The following TBX18 variants were observed in gnomAD, a reference collection of about 807,000 sequenced individuals.
TBX18 encodes the protein T-box transcription factor TBX18.
In TBX18, 21 loss-of-function variants were observed where a neutral mutation model predicts 55.0. That is an observed-to-expected ratio of 0.38 (90% CI 0.27 to 0.55). The LOEUF (loss-of-function observed/expected upper bound fraction) is 0.55. Among genes scored for constraint, TBX18 ranks in the 20% least tolerant of loss-of-function variants. The pLI, the probability that TBX18 is intolerant of heterozygous loss-of-function variation, is 0.73. For synonymous variants in TBX18, 342 were observed against 326.1 expected (o/e 1.05, Z -0.53); for missense variants, 840 against 799.6 (o/e 1.05, Z -0.61).
chr6:84,744,337 G>A lies in TBX18; in HGVS notation c.940-12C>T. 4 of 1,585,032 alleles carry A rather than the reference G, an allele frequency of 2.5e-6. No homozygotes were observed. Among genetic ancestry groups the A allele is most frequent in the Admixed American group, 1.8e-5 (1 of 56,342 alleles). On this transcript the variant is annotated splice_polypyrimidine_tract_variant and intron_variant, in intron 5 of 7. Transcript: ENST00000369663. ...TTCAGGCGAGTAATCTGCAGAGTAGGAAAAAAAAATATCAAATCTTATATA... is the reference window on the plus strand; with the variant it reads ...TTCAGGCGAGTAATCTGCAGAGTAGAAAAAAAAAATATCAAATCTTATATA...
chr6:84,757,548 T>TA (rs912588247), intron 3 of TBX18, among the ~76,000 whole-genome samples: 8 of 152,088 alleles, frequency 5.3e-5, no homozygotes. Context: ...TTGATCCTTA[T>TA]AAAAAATTCT....
chr6:84,750,007 C>A (rs753962993), intron 4 of TBX18, among the ~76,000 whole-genome samples: 1 of 152,108 alleles, frequency 6.6e-6, no homozygotes, highest in East Asian at 1.9e-4. Context: ...TATAATCAGC[C>A]GAGCATGGTG....
rs770880160 is a variant in TBX18 at position 84,762,660 on chromosome 6, G to C, written c.381C>G (p.Ala127=). The C allele has an allele frequency of 2.9e-5, 47 of 1,610,718 alleles. No individual in the cohort carries two copies. Among genetic ancestry groups the C allele is most frequent in the Non-Finnish European group, 3.8e-5 (45 of 1,178,738 alleles). ...SPKGSPARSL[A]RPGTPLPSPQ... is the part of the protein sequence containing the mutation. ...GCGAGGGCAGAGGGGTCCCGGGCCGGGCCAGGGAGCGCGCCGGAGACCCCT... is the reference window on the plus strand; with the variant it reads ...GCGAGGGCAGAGGGGTCCCGGGCCGCGCCAGGGAGCGCGCCGGAGACCCCT... The change falls in exon 2 of 8, where the codon GCC becomes GCG. Residue 127 remains alanine, a synonymous_variant. Coordinates refer to ENST00000369663, the MANE Select transcript of TBX18 (RefSeq NM_001080508.3).
rs561896774 is a variant in TBX18, at chr6:84,754,084, C to T, written c.771+2614G>A. Among the ~76,000 whole-genome samples, 6 of 152,208 alleles carry T rather than the reference C, an allele frequency of 3.9e-5. No individual in the cohort carries two copies. The South Asian group carries it at 6.2e-4, about 16-fold the overall frequency. On this transcript the variant is annotated intron_variant, in intron 4 of 7. Coordinates refer to ENST00000369663, the MANE Select transcript of TBX18 (RefSeq NM_001080508.3). ...CTGGAAGTACAGGCAAACACCACCA[C>T]GCCTGGCTAATTTTTGTATTTTCAG...
intron 4 of TBX18, among the ~76,000 whole-genome samples, chr6:84,752,046 G>A (rs1351888346): frequency 6.6e-6 from 1 of 152,112 alleles, no homozygotes; most frequent in Non-Finnish European, 1.5e-5. Context: ...GTAATGTTCA[G>A]TGCTCTCTGA....
intron 4 of TBX18, among the ~76,000 whole-genome samples, chr6:84,753,435 A>AAG (rs1290378397): frequency 5.3e-5 from 2 of 37,872 alleles, no homozygotes. Context: ...AGGAACTGAG[A>AAG]AGAGAAAAAA....
At chr6:84,756,943 A>ATAGGCACACATTT in intron 3 of TBX18, 74 bp from the exon 4 acceptor site, 1 of 1,333,542 alleles carries the variant, frequency 7.5e-7, no homozygotes, top group Non-Finnish European at 1.0e-6. Context: ...ATCAGACAAA[A>ATAGGCACACATTT]TGTGTGCCTA....
At chr6:84,762,826 G>A (rs1767692566) in intron 1 of TBX18, 78 bp from the exon 2 acceptor site, 1 of 1,399,794 alleles carries the variant, frequency 7.1e-7, no homozygotes. Context: ...GGCCCACCTG[G>A]TGGCTGAGAA....
chr6:84,749,346 T>C (rs1396414708), intron 4 of TBX18, among the ~76,000 whole-genome samples: 2 of 152,230 alleles, frequency 1.3e-5, no homozygotes, highest in Admixed American at 6.5e-5. Context: ...GCCTTGTGTT[T>C]ATGATGTGGG....
chr6:84,744,269 C>A lies in TBX18; in HGVS notation c.996G>T (p.Gly332=), dbSNP rs907637269. ...NPFAKGFRDS[G]RNRMGLEALV... ...TCTTCACTAAGGCCCACCTGTTGCG[C>A]CCGGAGTCTCGGAAGCCTTTAGCAA... The change falls in exon 6 of 8, where the codon GGG becomes GGT. Residue 332 remains glycine (G), a synonymous_variant. Transcript: ENST00000369663. 1.2e-5 allele frequency: 19 copies of A among 1,612,504 alleles called. No homozygotes were observed. Among genetic ancestry groups the A allele is most frequent in the Non-Finnish European group, 1.5e-5 (18 of 1,179,134 alleles).
At chr6:84,763,795 C>T in intron 1 of TBX18, 95 bp downstream of exon 1, 1 of 1,426,270 alleles carries the variant, frequency 7.0e-7, no homozygotes. Flanking sequence ...GTGGCCTTGG[C>T]CATGTAGGGA....
In TBX18 at chr6:84,737,424, G is replaced by C; in HGVS notation, c.1100-15C>G. The C allele has an allele frequency of 6.6e-7, 1 of 1,504,860 alleles. No individual in the cohort carries two copies. Among genetic ancestry groups the C allele is most frequent in the Non-Finnish European group, 8.9e-7 (1 of 1,126,966 alleles). The allele number at this position is 1,504,860 out of a possible 1,614,324, so 93.2% of individuals were successfully genotyped here. A position where few individuals can be genotyped will look rare whatever the true frequency, so the allele number is the denominator to read the frequency against. On this transcript the variant is annotated splice_polypyrimidine_tract_variant and intron_variant, in intron 7 of 7. Coordinates refer to ENST00000369663, the MANE Select transcript of TBX18 (RefSeq NM_001080508.3). Reference sequence around the variant, plus strand: ...ACTTGCATTGCCTACAAAAGAAGTTGAAATGTAAAGAATGACTCCACAGTC... The same window carrying C: ...ACTTGCATTGCCTACAAAAGAAGTTCAAATGTAAAGAATGACTCCACAGTC...
intron 4 of TBX18, among the ~76,000 whole-genome samples, chr6:84,754,826 G>T (rs968346765): frequency 6.6e-6 from 1 of 152,122 alleles, no homozygotes; most frequent in East Asian, 1.9e-4. Flanking sequence ...GTTGAAGACT[G>T]TAGGAGAAAA....
At chr6:84,749,112 G>C (rs1183761923) in intron 4 of TBX18, among the ~76,000 whole-genome samples, 3 of 152,138 alleles carry the variant, frequency 2.0e-5, no homozygotes, top group Admixed American at 1.3e-4. Context: ...TTCTTTGTAT[G>C]TTCTATGCTT....
Position 84,748,072 on chromosome 6 carries a change from T to C in TBX18, c.787A>G (p.Met263Val), listed in dbSNP as rs1465314738. ...DDQGHIILHS[M>V]HKYQPRVHVI... ...TGCACTCGCGGTTGGTATTTGTGCA[T>C]AGAATGAAGAATAATCTATATCAAA... The change falls in exon 5 of 8, where the codon ATG becomes GTG. Residue 263 changes from methionine (M) to valine (V), a missense_variant. By Grantham distance (21) the Met-to-Val change is conservative (BLOSUM62 1). Coordinates refer to ENST00000369663, the MANE Select transcript of TBX18 (RefSeq NM_001080508.3). The C allele has an allele frequency of 1.9e-6, 3 of 1,610,346 alleles. No individual in the cohort carries two copies. The highest frequency in any genetic ancestry group is 2.2e-5 in the East Asian group (1 of 44,822).
rs1322051736 is a variant in TBX18 at position 84,734,280 on chromosome 6, C to A, written c.*2405G>T. The stretch of plus-strand genomic sequence containing the variant: ...CACCTTCAATGACATGGTCAACACA[C>A]CAAGAAATTACATTTAACACATGAA... On this transcript the variant is annotated 3_prime_UTR_variant, in exon 8 of 8. Coordinates refer to ENST00000369663, the MANE Select transcript of TBX18 (RefSeq NM_001080508.3). The A allele has an allele frequency of 4.6e-5, 7 of 152,136 alleles. No homozygotes were observed. The highest frequency in any genetic ancestry group is 4.6e-4 in the Admixed American group (7 of 15,282). 9.4% of individuals were successfully genotyped at this position (152,136 alleles called of 1,614,324 possible). A position where few individuals can be genotyped will look rare whatever the true frequency, so the allele number is the denominator to read the frequency against.
intron 1 of TBX18, chr6:84,763,119 A>C (rs1767702164): frequency 5.1e-6 from 2 of 392,854 alleles, no homozygotes; most frequent in South Asian, 4.5e-5. Flanking sequence ...TCCCGGGTCC[A>C]GAGTCCCCAG....
Position 84,733,702 on chromosome 6 carries a change from C to A in TBX18, c.*2983G>T, listed in dbSNP as rs147306874. 5.6e-4 allele frequency: 86 copies of A among 152,338 alleles called. No homozygotes were observed. Among genetic ancestry groups the A allele is most frequent in the African/African-American group, 2.0e-3 (83 of 41,578 alleles). The allele number at this position is 152,338 out of a possible 1,614,324, so 9.4% of individuals were successfully genotyped here. On this transcript the variant is annotated 3_prime_UTR_variant, in exon 8 of 8. Coordinates refer to ENST00000369663, the MANE Select transcript of TBX18 (RefSeq NM_001080508.3). ...ACAAAAATTACTTTTTCCTCTAAGT[C>A]AAACCTCCAGCTATCTCCAAAGCTG...
chr6:84,736,886 A>G lies in TBX18; in HGVS notation c.1623T>C (p.Ala541=). 1 of 1,613,448 alleles carries G rather than the reference A, an allele frequency of 6.2e-7. No individual in the cohort carries two copies. The highest frequency in any genetic ancestry group is 8.5e-7 in the Non-Finnish European group (1 of 1,179,786). The change falls in exon 8 of 8, where the codon GCT becomes GCC. Residue 541 remains alanine, a synonymous_variant. Transcript: ENST00000369663. ...GYNFSTSPKL[A]ASPEKIVSSQ... ...AAGAAACAATTTTCTCAGGACTGGC[A>G]GCCAGTTTGGGGGATGTGGAGAAGT...
Sources: gnomAD v4.1 joint callset for allele counts (sites outside exome capture counted in the v4.1 genomes callset) on GRCh38, gnomAD v4.1.1 for gene constraint, MANE v1.5 for transcripts, NCBI Gene and HGNC (gene_info 2026-07-23, HGNC 2026-07-21) for gene names.